GTF2A1L: variants seen among roughly 807,000 people sequenced by gnomAD.
The protein encoded by GTF2A1L is TFIIA-alpha and beta-like factor.
A neutral mutation model predicts 49.7 loss-of-function variants in GTF2A1L; 48 were observed. The ratio of observed to expected loss-of-function variants is 0.97; its 90% CI spans 0.77 to 1.23. GTF2A1L has a LOEUF of 1.23. Ranked by LOEUF, GTF2A1L falls within the 50% of genes most tolerant of loss-of-function variation. The probability of loss-of-function intolerance (pLI) is 0.00; values close to 1 mark genes in which losing one functional copy is unlikely to be tolerated. For missense variants in GTF2A1L, 736 were observed against 564.8 expected, an observed-to-expected ratio of 1.30 and a Z score of -3.07; for synonymous variants, 246 against 193.5, an observed-to-expected ratio of 1.27 and a Z score of -2.25.
intron 3 of GTF2A1L, among the ~76,000 whole-genome samples, chr2:48,640,353 T>G (rs867065877): frequency 6.6e-6 from 1 of 152,192 alleles, no homozygotes; most frequent in African/African-American, 2.4e-5. Flanking sequence ...ATGGATACTA[T>G]GCAGCCATAA....
At chr2:48,643,907 C>G (rs1235305554) in intron 4 of GTF2A1L, among the ~76,000 whole-genome samples, 1 of 151,964 alleles carries the variant, frequency 6.6e-6, no homozygotes, top group African/African-American at 2.4e-5. Flanking sequence ...CCATGTTGGC[C>G]AGGGTGGTCT....
intron 3 of GTF2A1L, among the ~76,000 whole-genome samples, chr2:48,626,771 T>G (rs1676317984): frequency 6.9e-6 from 1 of 144,060 alleles, no homozygotes. Flanking sequence ...GCAGGGTTTC[T>G]CCATACTGCC....
chr2:48,654,004 T>A (rs1158961259), intron 6 of GTF2A1L, among the ~76,000 whole-genome samples: 1 of 151,330 alleles, frequency 6.6e-6, no homozygotes, highest in South Asian at 2.1e-4. Context: ...AGGAGTGGGA[T>A]TGTTAGATAA....
intron 3 of GTF2A1L, among the ~76,000 whole-genome samples, chr2:48,641,718 G>T (rs1050263071): frequency 2.4e-4 from 36 of 152,102 alleles, no homozygotes; most frequent in Admixed American, 2.1e-3. Flanking sequence ...ACAACTAGCT[G>T]GTCAATCTTT....
chr2:48,642,339 T>G, intron 3 of GTF2A1L, 63 bp from the exon 4 acceptor site: 1 of 1,416,620 alleles, frequency 7.1e-7, no homozygotes. Context: ...ATAAGCTATA[T>G]TTAGTGATTT....
At position 48,645,022 on chromosome 2, in the gene GTF2A1L, CT is replaced by C; in HGVS notation, c.304-9del. 6.3e-7 allele frequency: 1 copy of C among 1,585,520 alleles called. No individual in the cohort carries two copies. Among genetic ancestry groups the C allele is most frequent in the Middle Eastern group, 1.7e-4 (1 of 5,824 alleles). On this transcript the variant is annotated splice_polypyrimidine_tract_variant and intron_variant, in intron 4 of 8. Transcript: ENST00000403751. ...TTTTCTAACTTTCTAATATAAATTT[CT>C]TATATCTAGGGCACTTCAAACTCCA...
intron 3 of GTF2A1L, among the ~76,000 whole-genome samples, chr2:48,625,608 G>C (rs538283020): frequency 7.1e-6 from 1 of 140,064 alleles, no homozygotes; most frequent in South Asian, 2.4e-4. Flanking sequence ...TTTGAGGGAG[G>C]GTCTTGCTCT....
At chr2:48,629,627 A>G (rs1169813939) in intron 3 of GTF2A1L, among the ~76,000 whole-genome samples, 1 of 144,268 alleles carries the variant, frequency 6.9e-6, no homozygotes, top group African/African-American at 2.5e-5. Flanking sequence ...TGAAGGGAGT[A>G]TATGCGGTGA....
chr2:48,656,349 T>TTTTG (rs1558750442), intron 6 of GTF2A1L, among the ~76,000 whole-genome samples: 3 of 7,438 alleles, frequency 4.0e-4, no homozygotes, highest in African/African-American at 9.8e-4. Flanking sequence ...TTATTTTCTG[T>TTTTG]TTTTTTTTTT....
intron 3 of GTF2A1L, among the ~76,000 whole-genome samples, chr2:48,641,678 A>C (rs899924218): frequency 2.0e-5 from 3 of 152,074 alleles, no homozygotes; most frequent in Admixed American, 2.0e-4. Flanking sequence ...TTTTTTCTTT[A>C]TGCTTATTTT....
At chr2:48,641,459 G>A (rs983200507) in intron 3 of GTF2A1L, among the ~76,000 whole-genome samples, 3 of 151,920 alleles carry the variant, frequency 2.0e-5, no homozygotes, top group African/African-American at 4.8e-5. Flanking sequence ...AGATCTTTGG[G>A]GCAATTTTCC....
At chr2:48,675,413 A>G (rs1399869497) in intron 8 of GTF2A1L, among the ~76,000 whole-genome samples, 2 of 152,082 alleles carry the variant, frequency 1.3e-5, no homozygotes, top group South Asian at 2.1e-4. Context: ...TGATTAACAG[A>G]TGGAATTTAT....
At chr2:48,635,916 A>G (rs1047075459) in intron 3 of GTF2A1L, among the ~76,000 whole-genome samples, 4 of 152,096 alleles carry the variant, frequency 2.6e-5, no homozygotes, top group African/African-American at 9.7e-5. Flanking sequence ...TGGGAGGAAA[A>G]AAAAAGTTCT....
intron 3 of GTF2A1L, among the ~76,000 whole-genome samples, chr2:48,625,651 T>C (rs1203013495): frequency 7.0e-6 from 1 of 143,236 alleles, no homozygotes; most frequent in African/African-American, 2.5e-5. Context: ...GGAGCAATCA[T>C]AGGTCACTGT....
intron 6 of GTF2A1L, among the ~76,000 whole-genome samples, chr2:48,660,926 A>G (rs1350307206): frequency 6.6e-6 from 1 of 152,056 alleles, no homozygotes; most frequent in Non-Finnish European, 1.5e-5. Context: ...CAGGTGTGAG[A>G]CACCATGGCC....
intron 3 of GTF2A1L, among the ~76,000 whole-genome samples, chr2:48,627,929 A>C (rs1156912134): frequency 7.0e-6 from 1 of 143,530 alleles, no homozygotes; most frequent in Middle Eastern, 3.3e-3. Flanking sequence ...CTTTATGTCC[A>C]TGGGTACTCA....
chr2:48,641,009 T>C (rs921632572), intron 3 of GTF2A1L, among the ~76,000 whole-genome samples: 1 of 152,210 alleles, frequency 6.6e-6, no homozygotes, highest in African/African-American at 2.4e-5. Flanking sequence ...ACTCTCTTAT[T>C]GTACTGTTTG....
chr2:48,662,387 C>T (rs1558759203), intron 6 of GTF2A1L, among the ~76,000 whole-genome samples: 1 of 152,112 alleles, frequency 6.6e-6, no homozygotes, highest in Non-Finnish European at 1.5e-5. Context: ...TACTATCTAG[C>T]ATCTATTCAT....
chr2:48,671,675 G>A lies in GTF2A1L; in HGVS notation c.1324G>A (p.Asp442Asn), dbSNP rs1372555035. 6.2e-7 allele frequency: 1 copy of A among 1,612,812 alleles called. No homozygotes were observed. The highest frequency in any genetic ancestry group is 8.5e-7 in the Non-Finnish European group (1 of 1,179,386). ...GGATAATGTTATTGTCTGTCAGTAT[G>A]ATAAGGTACTGTATTTACCTTTTGG... Reference protein sequence around the residue: ...DTDNVIVCQYDKIHRSKNKWK... With the variant: ...DTDNVIVCQYNKIHRSKNKWK... Residue 442 changes from aspartate to asparagine, a missense_variant, in exon 8 of 9, where the codon GAT becomes AAT. Coordinates refer to ENST00000403751, the MANE Select transcript of GTF2A1L (RefSeq NM_006872.5).
Sources: gnomAD v4.1 joint callset for allele counts (sites outside exome capture counted in the v4.1 genomes callset) on GRCh38, gnomAD v4.1.1 for gene constraint, MANE v1.5 for transcripts, NCBI Gene and HGNC (gene_info 2026-07-23, HGNC 2026-07-21) for gene names.